Variants in DNAH9 observed in about 807,000 individuals in gnomAD.
DNAH9 encodes dynein axonemal heavy chain 9.
A neutral mutation model predicts 471.6 loss-of-function variants in DNAH9; 345 were observed. That is an observed-to-expected ratio of 0.73 (90% CI 0.67 to 0.80). The LOEUF is 0.80. DNAH9 is among the 30% of genes least tolerant of loss of function. The pLI, the probability that DNAH9 is intolerant of heterozygous loss-of-function variation, is 0.00. For synonymous variants in DNAH9, 2,093 were observed against 2,123.6 expected (o/e 0.99, Z 0.40); for missense variants, 5,407 against 5,609.2 (o/e 0.96, Z 1.15).
intron 36 of DNAH9, among the ~76,000 whole-genome samples, chr17:11,765,385 A>C (rs1967890581): frequency 6.6e-6 from 1 of 152,230 alleles, no homozygotes; most frequent in Non-Finnish European, 1.5e-5. Flanking sequence ...CAGCCTCCCA[A>C]GGCAAAACCA....
chr17:11,806,136 C>T (rs932013280), intron 43 of DNAH9, among the ~76,000 whole-genome samples: 7 of 152,184 alleles, frequency 4.6e-5, no homozygotes, highest in African/African-American at 1.7e-4. Flanking sequence ...TGTTACGTAG[C>T]CCTGAATTTG....
chr17:11,808,656 A>C (rs1969778794), intron 44 of DNAH9, among the ~76,000 whole-genome samples: 1 of 152,188 alleles, frequency 6.6e-6, no homozygotes, highest in Non-Finnish European at 1.5e-5. Context: ...GTCTTTCTTT[A>C]GTGCTTCCAA....
intron 68 of DNAH9, among the ~76,000 whole-genome samples, chr17:11,964,845 C>T (rs76910867): frequency 6.6e-6 from 1 of 152,096 alleles, no homozygotes; most frequent in African/African-American, 2.4e-5. Context: ...CTTCAAAGCC[C>T]TGTTCCCCAC....
intron 38 of DNAH9, among the ~76,000 whole-genome samples, chr17:11,771,766 T>C (rs1025958333): frequency 6.6e-6 from 1 of 152,196 alleles, no homozygotes; most frequent in Non-Finnish European, 1.5e-5. Context: ...TTCTTACTAC[T>C]GTTACAACTA....
intron 6 of DNAH9, chr17:11,620,054 TACA>T (rs758686522): frequency 1.6e-5 from 7 of 438,124 alleles, no homozygotes; most frequent in South Asian, 5.4e-5. Context: ...CTACAAAAAA[TACA>T]ACAACAACAA....
intron 49 of DNAH9, among the ~76,000 whole-genome samples, chr17:11,853,760 G>A (rs1020243454): frequency 4.6e-5 from 7 of 152,158 alleles, no homozygotes; most frequent in African/African-American, 1.4e-4. Context: ...AATGGGCTGC[G>A]AGTCAGTTAA....
At position 11,969,603 on chromosome 17, in the gene DNAH9, AC is replaced by A; in HGVS notation, c.*78del. On this transcript the variant is annotated 3_prime_UTR_variant, in exon 69 of 69. Transcript: ENST00000262442. Reference sequence around the variant, plus strand: ...TAGAGGGACAGGTGGGTGAAGGGTCACCACAGACACTTAGAACGGTAAGAAA... The same window carrying A: ...TAGAGGGACAGGTGGGTGAAGGGTCACACAGACACTTAGAACGGTAAGAAA... The A allele has an allele frequency of 8.6e-7, 1 of 1,165,098 alleles. No individual in the cohort carries two copies. Among genetic ancestry groups the A allele is most frequent in the Non-Finnish European group, 1.2e-6 (1 of 840,174 alleles). 72.2% of individuals were successfully genotyped at this position (1,165,098 alleles called of 1,614,324 possible). A position where few individuals can be genotyped will look rare whatever the true frequency, so the allele number is the denominator to read the frequency against.
intron 36 of DNAH9, among the ~76,000 whole-genome samples, chr17:11,763,856 A>G (rs1325892530): frequency 6.6e-6 from 1 of 152,190 alleles, no homozygotes; most frequent in Non-Finnish European, 1.5e-5. Context: ...TACTGAACAT[A>G]TCTTTGATTT....
chr17:11,946,136 G>A (rs1204990046), intron 67 of DNAH9, among the ~76,000 whole-genome samples: 1 of 144,450 alleles, frequency 6.9e-6, no homozygotes, highest in Non-Finnish European at 1.5e-5. Flanking sequence ...GGAGGTGGAG[G>A]TTGCAGCGAG....
intron 54 of DNAH9, among the ~76,000 whole-genome samples, chr17:11,881,005 C>A (rs1186837092): frequency 2.0e-5 from 3 of 152,110 alleles, no homozygotes; most frequent in Admixed American, 1.3e-4. Flanking sequence ...AGTACAGAAC[C>A]AAACATGGTG....
At chr17:11,900,206 C>T (rs997573675) in intron 59 of DNAH9, among the ~76,000 whole-genome samples, 1 of 152,048 alleles carries the variant, frequency 6.6e-6, no homozygotes, top group African/African-American at 2.4e-5. Context: ...CTGCTCCACT[C>T]CACACACCAC....
At position 11,747,673 on chromosome 17, in the gene DNAH9, C is replaced by T. The variant is rs774222974; in HGVS notation, c.6517C>T (p.Arg2173Trp). 28 of 1,613,978 alleles carry T rather than the reference C, an allele frequency of 1.7e-5. No individual in the cohort carries two copies. Among genetic ancestry groups the T allele is most frequent in the East Asian group, 4.5e-5 (2 of 44,874 alleles). The change falls in exon 32 of 69, where the codon CGG becomes TGG. Residue 2173 changes from arginine to tryptophan, a missense_variant. Coordinates refer to ENST00000262442, the MANE Select transcript of DNAH9 (RefSeq NM_001372.4). The stretch of plus-strand genomic sequence containing the variant: ...GCACAAGACCTATCAGATCATGAAA[C>T]GGCGCCCCGTCTGGACTGACCTCAA... Reference protein sequence around the residue: ...SLHKTYQIMKRRPVWTDLNPK... With the variant: ...SLHKTYQIMKWRPVWTDLNPK...
intron 67 of DNAH9, 43 bp downstream of exon 67, chr17:11,942,528 G>A: frequency 6.4e-7 from 1 of 1,572,172 alleles, no homozygotes; most frequent in Non-Finnish European, 8.7e-7. Context: ...ATTGCTAGAG[G>A]ACACAGATGG....
Position 11,769,314 on chromosome 17 carries a change from T to G in DNAH9, c.7537T>G (p.Ser2513Ala). 1 of 1,612,504 alleles carries G rather than the reference T, an allele frequency of 6.2e-7. No individual in the cohort carries two copies. Among genetic ancestry groups the G allele is most frequent in the Non-Finnish European group, 8.5e-7 (1 of 1,179,404 alleles). Reference sequence around the variant, plus strand: ...CGTGCCATTCAACTACTACACCACGTCAGCAATGCTGCAGGGTAAGCAGCC... The same window carrying G: ...CGTGCCATTCAACTACTACACCACGGCAGCAATGCTGCAGGGTAAGCAGCC... Reference protein sequence around the residue: ...KNVPFNYYTTSAMLQAVLEKP... With the variant: ...KNVPFNYYTTAAMLQAVLEKP... The change falls in exon 38 of 69, where the codon TCA becomes GCA. Residue 2513 changes from serine (S) to alanine (A), a missense_variant. Coordinates refer to ENST00000262442, the MANE Select transcript of DNAH9 (RefSeq NM_001372.4).
chr17:11,701,973 C>T (rs949272316), intron 24 of DNAH9, among the ~76,000 whole-genome samples: 9 of 152,168 alleles, frequency 5.9e-5, no homozygotes, highest in Admixed American at 1.3e-4. Context: ...TGAGCCTCCG[C>T]GCCCGGCCAT....
chr17:11,736,934 G>A lies in DNAH9; in HGVS notation c.5815-1946G>A, dbSNP rs186283222. ...TTGCTTTCCCACTCCCTAATAAGGC[G>A]AGTGCTCTGTATATTTTATGGATGG... is the stretch of plus-strand genomic sequence containing the variant. On this transcript the variant is annotated intron_variant, in intron 28 of 68. Coordinates refer to ENST00000262442, the MANE Select transcript of DNAH9 (RefSeq NM_001372.4). Among the ~76,000 whole-genome samples, 10 of 152,290 alleles carry A rather than the reference G, an allele frequency of 6.6e-5. No individual in the cohort carries two copies. The East Asian group carries it at 1.4e-3, about 21-fold the overall frequency.
At chr17:11,680,014 A>T in intron 18 of DNAH9, 35 bp downstream of exon 18, 1 of 1,542,450 alleles carries the variant, frequency 6.5e-7, no homozygotes, top group Non-Finnish European at 8.9e-7. Flanking sequence ...TAAAAGAAAT[A>T]GAGGAAACAT....
intron 30 of DNAH9, among the ~76,000 whole-genome samples, chr17:11,743,729 A>G (rs1433620968): frequency 6.6e-6 from 1 of 152,016 alleles, no homozygotes; most frequent in African/African-American, 2.4e-5. Flanking sequence ...CTACTCCTTC[A>G]AGGTCTTCTT....
At chr17:11,779,289 C>T (rs904916527) in intron 38 of DNAH9, among the ~76,000 whole-genome samples, 3 of 152,102 alleles carry the variant, frequency 2.0e-5, no homozygotes, top group Non-Finnish European at 2.9e-5. Context: ...ATGTCTCATT[C>T]GTTCAGCTCC....
Sources: gnomAD v4.1 joint callset for allele counts (sites outside exome capture counted in the v4.1 genomes callset) on GRCh38, gnomAD v4.1.1 for gene constraint, MANE v1.5 for transcripts, NCBI Gene and HGNC (gene_info 2026-07-23, HGNC 2026-07-21) for gene names.